NFIB: variants seen among roughly 807,000 people sequenced by gnomAD.
NFIB encodes the protein nuclear factor I B.
NFIB carries 11 observed loss-of-function variants against 61.5 expected under a neutral mutation model. The observed-to-expected ratio is 0.18, with a 90% confidence interval of 0.11 to 0.30. The LOEUF is 0.30. Among genes scored for constraint, NFIB ranks in the 10% least tolerant of loss-of-function variants. The pLI is 1.00. For missense variants in NFIB, 471 were observed against 608.9 expected (o/e 0.77, Z 2.38); for synonymous variants, 260 against 216.5 (o/e 1.20, Z -1.76).
At chr9:14,508,634 C>T in the NFIB span, among the ~76,000 whole-genome samples, 1 of 152,236 alleles carries the variant, frequency 6.6e-6, no homozygotes, top group Non-Finnish European at 1.5e-5. Flanking sequence ...GAAGCAAACA[C>T]TCAAGCTTGG....
intron 10 of NFIB, among the ~76,000 whole-genome samples, chr9:14,090,063 T>C (rs1469857502): frequency 2.6e-5 from 4 of 152,126 alleles, no homozygotes; most frequent in Non-Finnish European, 5.9e-5. Flanking sequence ...ATTAATTGTT[T>C]CAAATCACAC....
the NFIB span, among the ~76,000 whole-genome samples, chr9:14,494,532 C>T: frequency 6.6e-6 from 1 of 152,140 alleles, no homozygotes; most frequent in East Asian, 1.9e-4. Flanking sequence ...TTTCGCAGAT[C>T]CAGGAAATGT....
At chr9:14,498,787 C>T in the NFIB span, among the ~76,000 whole-genome samples, 1 of 68,506 alleles carries the variant, frequency 1.5e-5, no homozygotes, top group African/African-American at 7.9e-5. Flanking sequence ...CCCTCCCTCC[C>T]TCCCTCCCTC....
intron 1 of NFIB, among the ~76,000 whole-genome samples, chr9:14,363,940 C>T (rs2061270809): frequency 6.6e-6 from 1 of 152,126 alleles, no homozygotes; most frequent in African/African-American, 2.4e-5. Flanking sequence ...ACCATACTCT[C>T]CTTAACCAAT....
chr9:14,456,294 G>C, the NFIB span, among the ~76,000 whole-genome samples: 1 of 151,424 alleles, frequency 6.6e-6, no homozygotes, highest in Admixed American at 6.6e-5. Flanking sequence ...GACTTTTAAA[G>C]CTATGACACA....
chr9:14,204,859 A>G (rs2049460885), intron 2 of NFIB: 5 of 433,370 alleles, frequency 1.2e-5, no homozygotes, highest in Non-Finnish European at 2.2e-5. Context: ...CTGCCTTCAT[A>G]CAGGTTAACT....
the NFIB span, among the ~76,000 whole-genome samples, chr9:14,523,031 G>C: frequency 1.3e-5 from 2 of 152,154 alleles, no homozygotes; most frequent in Admixed American, 6.5e-5. Context: ...AAGCATGAGA[G>C]AGTTGAGGGA....
Position 14,314,138 on chromosome 9 carries a change from G to T in NFIB, c.-627C>A. 1 of 1,016,628 alleles carries T rather than the reference G, an allele frequency of 9.8e-7. No individual in the cohort carries two copies. The highest frequency in any genetic ancestry group is 1.2e-6 in the Non-Finnish European group (1 of 850,228). 63.0% of individuals were successfully genotyped at this position (1,016,628 alleles called of 1,614,324 possible). A position where few individuals can be genotyped will look rare whatever the true frequency, so the allele number is the denominator to read the frequency against. ...TGTGCGCGAGGGGCAGCGTGAGCGAGTGCGCGCGGGTGGCGGGGCGCGCGC... is the reference window on the plus strand; with the variant it reads ...TGTGCGCGAGGGGCAGCGTGAGCGATTGCGCGCGGGTGGCGGGGCGCGCGC... On this transcript the variant is annotated 5_prime_UTR_variant, in exon 1 of 11. Coordinates refer to ENST00000380953, the MANE Select transcript of NFIB (RefSeq NM_001190737.2).
At chr9:14,506,726 G>A in the NFIB span, among the ~76,000 whole-genome samples, 1 of 152,096 alleles carries the variant, frequency 6.6e-6, no homozygotes, top group Non-Finnish European at 1.5e-5. Flanking sequence ...TAAAGGTTTG[G>A]TTGAATATTT....
chr9:14,260,955 C>A lies in NFIB; in HGVS notation c.562+46034G>T, dbSNP rs112613469. Among the ~76,000 whole-genome samples, 667 of 151,212 alleles carry A rather than the reference C, an allele frequency of 4.4e-3. 3 individuals are homozygous for A. Among genetic ancestry groups the A allele is most frequent in the African/African-American group, 0.016 (643 of 41,240 alleles). On this transcript the variant is annotated intron_variant, in intron 2 of 10. Coordinates refer to ENST00000380953, the MANE Select transcript of NFIB (RefSeq NM_001190737.2). ...TCTTAGCTTTTTAATAGCAAGAAAC[C>A]TGTAGGTATACTAAATTGGTGGAAT...
chr9:14,139,832 G>C (rs773709204), intron 6 of NFIB, among the ~76,000 whole-genome samples: 3 of 152,160 alleles, frequency 2.0e-5, no homozygotes, highest in African/African-American at 7.2e-5. Context: ...ATCGTGTTGT[G>C]ATTTTTCAAT....
At chr9:14,216,542 CCCTCTGTGTGTGTGTG>C (rs1423374436) in intron 2 of NFIB, among the ~76,000 whole-genome samples, 2 of 29,426 alleles carry the variant, frequency 6.8e-5, no homozygotes, top group African/African-American at 2.1e-4. Context: ...CTCTCTCTCT[CCCTCTGTGTGTGTGTG>C]TGTGTGTGTG....
the NFIB span, among the ~76,000 whole-genome samples, chr9:14,421,239 T>C: frequency 6.6e-6 from 1 of 152,272 alleles, no homozygotes; most frequent in South Asian, 2.1e-4. Flanking sequence ...TAAATAACAA[T>C]CATATTAATT....
At chr9:14,181,655 G>A (rs1015494556) in intron 2 of NFIB, among the ~76,000 whole-genome samples, 7 of 152,160 alleles carry the variant, frequency 4.6e-5, no homozygotes, top group Non-Finnish European at 7.4e-5. Flanking sequence ...TCTGACAAAT[G>A]TCTCTCAGCA....
chr9:14,508,431 T>C, the NFIB span, among the ~76,000 whole-genome samples: 5 of 152,274 alleles, frequency 3.3e-5, no homozygotes, highest in Non-Finnish European at 7.4e-5. Context: ...CTTCTAGAAG[T>C]TGTTGTTTGA....
chr9:14,291,960 C>G (rs557680877), intron 2 of NFIB, among the ~76,000 whole-genome samples: 5 of 151,756 alleles, frequency 3.3e-5, no homozygotes, highest in Non-Finnish European at 5.9e-5. Flanking sequence ...CATCCACACA[C>G]AAAAAAAGAG....
At chr9:14,518,890 C>G in the NFIB span, among the ~76,000 whole-genome samples, 5 of 152,076 alleles carry the variant, frequency 3.3e-5, no homozygotes, top group African/African-American at 1.2e-4. Flanking sequence ...TGCTCAGCCA[C>G]TGGGAGATGG....
intron 2 of NFIB, among the ~76,000 whole-genome samples, chr9:14,298,372 A>T (rs2059562910): frequency 1.3e-5 from 2 of 152,210 alleles, no homozygotes; most frequent in African/African-American, 4.8e-5. Context: ...GAAAATGCTG[A>T]AAAGTAATTA....
At chr9:14,367,154 T>G (rs772179759) in intron 1 of NFIB, among the ~76,000 whole-genome samples, 3 of 152,160 alleles carry the variant, frequency 2.0e-5, no homozygotes, top group Non-Finnish European at 4.4e-5. Context: ...GGTGCTCTAC[T>G]TGGGTATGGG....
Sources: gnomAD v4.1 joint callset for allele counts (sites outside exome capture counted in the v4.1 genomes callset) on GRCh38, gnomAD v4.1.1 for gene constraint, MANE v1.5 for transcripts, NCBI Gene and HGNC (gene_info 2026-07-23, HGNC 2026-07-21) for gene names.